The following TSHZ3 variants were observed in gnomAD, a reference collection of about 807,000 sequenced individuals.
The protein encoded by TSHZ3 is teashirt zinc finger homeobox 3, also known as teashirt homolog 3.
In TSHZ3, 10 loss-of-function variants were observed where a neutral mutation model predicts 64.5. The observed-to-expected ratio is 0.16, with a 90% CI of 0.10 to 0.26. TSHZ3 has a LOEUF of 0.26. Ranked by LOEUF, TSHZ3 falls within the 10% of genes least tolerant of loss-of-function variation. The probability of loss-of-function intolerance (pLI) is 1.00; values close to 1 mark genes in which losing one functional copy is unlikely to be tolerated. For missense variants in TSHZ3, 1,242 were observed against 1,421.7 expected (o/e 0.87, Z 2.03); for synonymous variants, 608 against 593.1 (o/e 1.03, Z -0.36).
At chr19:31,340,093 G>A (rs991127564) in intron 1 of TSHZ3, among the ~76,000 whole-genome samples, 3 of 151,798 alleles carry the variant, frequency 2.0e-5, no homozygotes, top group African/African-American at 4.8e-5. Context: ...GCCATGAGCC[G>A]CCTCGCCCTC....
At chr19:31,179,196 A>G (rs1974660894) in intron 5 of TSHZ3, among the ~76,000 whole-genome samples, 1 of 152,200 alleles carries the variant, frequency 6.6e-6, no homozygotes, top group South Asian at 2.1e-4. Context: ...CTCCAGGGCT[A>G]TCAGCAGCAG....
At chr19:31,168,005 T>A (rs1229522507) in intron 5 of TSHZ3, among the ~76,000 whole-genome samples, 1 of 152,218 alleles carries the variant, frequency 6.6e-6, no homozygotes, top group African/African-American at 2.4e-5. Flanking sequence ...CTTTTATATC[T>A]GCCTGTAAAA....
chr19:31,273,806 C>A (rs963091454), downstream of TSHZ3, among the ~76,000 whole-genome samples: 1 of 152,212 alleles, frequency 6.6e-6, no homozygotes, highest in Non-Finnish European at 1.5e-5. Context: ...AGAACCAGGG[C>A]CAGCCACAGA....
intron 5 of TSHZ3, among the ~76,000 whole-genome samples, chr19:31,191,411 A>G (rs1316863097): frequency 2.6e-5 from 4 of 152,240 alleles, no homozygotes; most frequent in African/African-American, 9.6e-5. Context: ...TGAAGTAAAA[A>G]TAAGTCAACC....
At chr19:31,175,187 G>A (rs1313254872) in intron 5 of TSHZ3, among the ~76,000 whole-genome samples, 1 of 152,184 alleles carries the variant, frequency 6.6e-6, no homozygotes, top group Non-Finnish European at 1.5e-5. Flanking sequence ...GATAGACACA[G>A]GTCAGTTTCC....
At chr19:31,224,622 A>C (rs1975435448) in intron 4 of TSHZ3, among the ~76,000 whole-genome samples, 1 of 152,154 alleles carries the variant, frequency 6.6e-6, no homozygotes, top group Non-Finnish European at 1.5e-5. Flanking sequence ...GCTACCTCCA[A>C]TTCTAATACT....
At chr19:31,199,979 T>C (rs1183956858) in intron 5 of TSHZ3, among the ~76,000 whole-genome samples, 2 of 151,498 alleles carry the variant, frequency 1.3e-5, no homozygotes, top group African/African-American at 4.9e-5. Flanking sequence ...CTCTGTTCCA[T>C]ATGTCATTAG....
intron 3 of TSHZ3, among the ~76,000 whole-genome samples, chr19:31,233,056 T>A (rs1165687442): frequency 6.6e-6 from 1 of 152,344 alleles, no homozygotes; most frequent in African/African-American, 2.4e-5. Context: ...TATGGACATA[T>A]GTTTTCATTT....
At chr19:31,238,657 T>G (rs1466612358) in intron 3 of TSHZ3, among the ~76,000 whole-genome samples, 1 of 152,222 alleles carries the variant, frequency 6.6e-6, no homozygotes, top group Non-Finnish European at 1.5e-5. Flanking sequence ...CGTATTTATC[T>G]CTTACTCTTT....
In TSHZ3 at chr19:31,277,103, T is replaced by C. The variant is rs780886308; in HGVS notation, c.2690A>G (p.Asn897Ser). 1.9e-6 allele frequency: 3 copies of C among 1,603,964 alleles called. No individual in the cohort carries two copies. The highest frequency in any genetic ancestry group is 1.7e-5 in the Admixed American group (1 of 59,268). Residue 897 changes from asparagine (N) to serine (S), a missense_variant, in exon 2 of 2, where the codon AAC becomes AGC. Physicochemically the swap from Asn to Ser is conservative, Grantham distance 46 (BLOSUM62 1). Transcript: ENST00000240587. This position sits in a 1 kb window ranked among gnomAD's most constrained non-coding sequence, Gnocchi z 4.5. ...GATCAGGAGGTGCTGGGGGTTCCAG[T>C]TTGACTGGCGGCCCTTCCTCTTCTG... The part of the protein sequence containing the change: ...PAQKRKGRQS[N>S]WNPQHLLILQ...
intron 5 of TSHZ3, among the ~76,000 whole-genome samples, chr19:31,174,112 C>T (rs1200060609): frequency 6.6e-6 from 1 of 152,152 alleles, no homozygotes; most frequent in Non-Finnish European, 1.5e-5. Context: ...GCTCATGTGA[C>T]TATGGTGGCT....
intron 1 of TSHZ3, among the ~76,000 whole-genome samples, chr19:31,302,828 A>C (rs1159811366): frequency 1.3e-5 from 2 of 152,224 alleles, no homozygotes; most frequent in Non-Finnish European, 2.9e-5. Context: ...GAGCATCTGG[A>C]AGCCAAAGGG....
chr19:31,279,722 G>C lies in TSHZ3; in HGVS notation c.71C>G (p.Ala24Gly). The C allele has an allele frequency of 6.6e-7, 1 of 1,521,696 alleles. No homozygotes were observed. Among genetic ancestry groups the C allele is most frequent in the Non-Finnish European group, 8.8e-7 (1 of 1,134,694 alleles). The allele number at this position is 1,521,696 out of a possible 1,614,324, so 94.3% of individuals were successfully genotyped here. ...AYVSEELKAAALVDEGLDPEE... is the reference protein window; with the variant it reads ...AYVSEELKAAGLVDEGLDPEE... ...TGGGTCTAAACCTTCGTCCACCAGGGCAGCAGCCTTTAACTCTTCGGAAAC... is the reference window on the plus strand; with the variant it reads ...TGGGTCTAAACCTTCGTCCACCAGGCCAGCAGCCTTTAACTCTTCGGAAAC... The change falls in exon 2 of 2, where the codon GCC becomes GGC. Residue 24 changes from alanine (A) to glycine (G), a missense_variant. Around this residue, in one of 4 missense-constraint regions of TSHZ3, gnomAD observed 555 missense variants for 704.0 expected, o/e 0.79. Transcript: ENST00000240587. This position sits in a 1 kb window ranked among gnomAD's most constrained non-coding sequence, Gnocchi z 6.4.
At chr19:31,295,145 T>A (rs1976640837) in intron 1 of TSHZ3, among the ~76,000 whole-genome samples, 1 of 152,150 alleles carries the variant, frequency 6.6e-6, no homozygotes, top group Admixed American at 6.5e-5. Context: ...ATGCAGCAAC[T>A]CACAAGGACG....
downstream of TSHZ3, among the ~76,000 whole-genome samples, chr19:31,271,546 GC>G (rs1976138517): frequency 2.0e-5 from 3 of 152,208 alleles, no homozygotes; most frequent in Admixed American, 2.0e-4. Flanking sequence ...CTAAGACAGA[GC>G]GCTGAAGCCC....
intron 1 of TSHZ3, 140 bp downstream of exon 1, chr19:31,349,040 C>T: frequency 3.6e-6 from 4 of 1,124,974 alleles, no homozygotes; most frequent in African/African-American, 1.6e-5. Context: ...GGCGCACGCA[C>T]CCAAACAGGA....
intron 5 of TSHZ3, among the ~76,000 whole-genome samples, chr19:31,172,469 T>C (rs1164175833): frequency 6.6e-6 from 1 of 152,200 alleles, no homozygotes; most frequent in East Asian, 1.9e-4. Context: ...AAGTCTGAAA[T>C]GCAAAACATG....
chr19:31,217,756 G>C (rs1975352352), intron 4 of TSHZ3, among the ~76,000 whole-genome samples: 1 of 152,178 alleles, frequency 6.6e-6, no homozygotes, highest in Admixed American at 6.5e-5. Flanking sequence ...ACAAAGCAGT[G>C]TATAGAATCC....
At chr19:31,247,291 A>C (rs1975768579) in intron 1 of TSHZ3, among the ~76,000 whole-genome samples, 1 of 152,208 alleles carries the variant, frequency 6.6e-6, no homozygotes, top group Non-Finnish European at 1.5e-5. Context: ...GAATGGAGAA[A>C]GCTGGCAACA....
Sources: gnomAD v4.1 joint callset for allele counts (sites outside exome capture counted in the v4.1 genomes callset) on GRCh38, gnomAD v4.1.1 for gene constraint, gnomAD v4.1.1 regional missense constraint, Gnocchi (gnomAD v3.1) non-coding constraint, MANE v1.5 for transcripts, NCBI Gene and HGNC (gene_info 2026-07-23, HGNC 2026-07-21) for gene names.